The following R3HCC1 variants were observed in gnomAD, a reference collection of about 807,000 sequenced individuals.
The protein encoded by R3HCC1 is R3H and coiled-coil domain-containing protein 1.
A neutral mutation model predicts 40.0 loss-of-function variants in R3HCC1; 32 were observed. That is an observed-to-expected ratio of 0.80 (90% confidence interval 0.60 to 1.07). The LOEUF is 1.07. R3HCC1 is among the 50% of genes least tolerant of loss of function. The pLI is 0.00. For missense variants in R3HCC1, 586 were observed against 563.3 expected, an observed-to-expected ratio of 1.04 and a Z score of -0.41; for synonymous variants, 237 against 232.8, an observed-to-expected ratio of 1.02 and a Z score of -0.17.
At chr8:23,295,721 T>A in intron 7 of R3HCC1, 1 of 576,058 alleles carries the variant, frequency 1.7e-6, no homozygotes, top group Non-Finnish European at 3.1e-6. Context: ...GCCCCCTCAC[T>A]GTAGAGACAG....
In R3HCC1 at chr8:23,294,671, A is replaced by C. The variant is rs887412739; in HGVS notation, c.1097-98A>C. Reference sequence around the variant, plus strand: ...CGGAGCAGCCCTGCCCTGAGCTTTGAATAGGTGCACAACACGGCTGCAGGG... The same window carrying C: ...CGGAGCAGCCCTGCCCTGAGCTTTGCATAGGTGCACAACACGGCTGCAGGG... On this transcript the variant is annotated intron_variant, in intron 6 of 7. Coordinates refer to ENST00000265806, the MANE Select transcript of R3HCC1 (RefSeq NM_001136108.3). 1.4e-5 allele frequency: 13 copies of C among 911,776 alleles called. No homozygotes were observed. The African/African-American group carries it at 2.1e-4, about 15-fold the overall frequency. The allele number at this position is 911,776 out of a possible 1,614,324, so 56.5% of individuals were successfully genotyped here. A position where few individuals can be genotyped will look rare whatever the true frequency, so the allele number is the denominator to read the frequency against.
chr8:23,295,701 G>C (rs575067421), intron 7 of R3HCC1: 11 of 553,176 alleles, frequency 2.0e-5, no homozygotes, highest in Non-Finnish European at 3.2e-5. Flanking sequence ...TGTGCAGGAT[G>C]AACCCCTCAG....
At chr8:23,288,394 C>T (rs982853046) in intron 1 of R3HCC1, 112 bp from the exon 2 acceptor site, 32 of 1,420,828 alleles carry the variant, frequency 2.3e-5, no homozygotes, top group Non-Finnish European at 2.9e-5. Flanking sequence ...TTCCCCGCCA[C>T]CGAGCCTTGG....
chr8:23,290,849 T>C (rs1267082513), intron 4 of R3HCC1: 3 of 253,188 alleles, frequency 1.2e-5, no homozygotes, highest in Non-Finnish European at 1.5e-5. Context: ...TTTTATCTTA[T>C]AAATCTTGTT....
At chr8:23,293,227 G>T in intron 5 of R3HCC1, 76 bp from the exon 6 acceptor site, 1 of 1,231,394 alleles carries the variant, frequency 8.1e-7, no homozygotes, top group Non-Finnish European at 1.2e-6. Flanking sequence ...GAGGCGAGGG[G>T]GTGTGGCTGC....
chr8:23,294,768 G>T lies in R3HCC1; in HGVS notation c.1097-1G>T, dbSNP rs1474387595. ...GCTCCACGCCTGCTTTCTTTCCACA[G>T]CTGCGGAAGCCCTGACCCGGGAGTT... On this transcript the variant is annotated splice_acceptor_variant, in intron 6 of 7. Transcript: ENST00000265806. LOFTEE classifies it high-confidence loss of function. 6.4e-7 allele frequency: 1 copy of T among 1,550,858 alleles called. No homozygotes were observed. The highest frequency in any genetic ancestry group is 8.7e-7 in the Non-Finnish European group (1 of 1,146,784).
At chr8:23,288,216 G>A in intron 1 of R3HCC1, 59 bp downstream of exon 1, 1 of 1,204,244 alleles carries the variant, frequency 8.3e-7, no homozygotes, top group Non-Finnish European at 1.1e-6. Flanking sequence ...CGGGTGGGAA[G>A]GAGCAGCTGG....
intron 4 of R3HCC1, 165 bp from the exon 5 acceptor site, chr8:23,291,196 T>A (rs1317395666): frequency 2.2e-6 from 2 of 922,854 alleles, no homozygotes; most frequent in Non-Finnish European, 3.1e-6. Context: ...GTAAAACCCA[T>A]GCGTCTTGAC....
At position 23,290,118 on chromosome 8, in the gene R3HCC1, A is replaced by T. The variant is rs1478645592; in HGVS notation, c.501A>T (p.Pro167=). ...GAGAGGCCCCAGCTGGCAGGGACCC[A>T]GAAGAGCCTGGAGATGTTGGTGCTG... Residue 167 remains proline, a synonymous_variant, in exon 4 of 8, where the codon CCA becomes CCT. Transcript: ENST00000265806. The T allele has an allele frequency of 3.9e-6, 6 of 1,551,260 alleles. No homozygotes were observed. The South Asian group carries it at 7.1e-5, about 18-fold the overall frequency.
At chr8:23,291,321 G>A (rs373330835) in intron 4 of R3HCC1, 40 bp from the exon 5 acceptor site, 16 of 1,534,554 alleles carry the variant, frequency 1.0e-5, no homozygotes, top group South Asian at 3.6e-5. Flanking sequence ...GGAGCTCTGC[G>A]TGTCCAAGCT....
Position 23,291,463 on chromosome 8 carries a change from G to A in R3HCC1, c.955G>A (p.Val319Met), listed in dbSNP as rs758791727. The A allele has an allele frequency of 1.3e-5, 20 of 1,551,530 alleles. No individual in the cohort carries two copies. Among genetic ancestry groups the A allele is most frequent in the Admixed American group, 7.8e-5 (4 of 50,986 alleles). Reference sequence around the variant, plus strand: ...GCCTGGAGAGAAGGACCTTGCCCACGTGGTAGAGATCTATGACTTTGAACC... The same window carrying A: ...GCCTGGAGAGAAGGACCTTGCCCACATGGTAGAGATCTATGACTTTGAACC... Residue 319 changes from valine (V) to methionine (M), a missense_variant, in exon 5 of 8, where the codon GTG (valine) becomes ATG (methionine). By Grantham distance (21) the Val-to-Met change is conservative. Coordinates refer to ENST00000265806, the MANE Select transcript of R3HCC1 (RefSeq NM_001136108.3).
At chr8:23,291,277 C>T in intron 4 of R3HCC1, 84 bp from the exon 5 acceptor site, 1 of 1,475,410 alleles carries the variant, frequency 6.8e-7, no homozygotes. Context: ...CCCCTTCTCC[C>T]TGCAGAGCTC....
rs1184864692 is a variant in R3HCC1, at chr8:23,291,846, TCTC to T, written c.1025+317_1025+319del. Among the ~76,000 whole-genome samples the T allele has an allele frequency of 3.3e-5, 5 of 152,196 alleles. No homozygotes were observed. In the South Asian group the frequency reaches 6.2e-4, roughly 19 times the overall value. Reference sequence around the variant, plus strand: ...CTCAAGGGACATGGCAGCCTCCTCTTCTCCTCTTGCCTGCCTCCCAGCGGCTGC... The same window carrying T: ...CTCAAGGGACATGGCAGCCTCCTCTTCTCTTGCCTGCCTCCCAGCGGCTGC... On this transcript the variant is annotated intron_variant, in intron 5 of 7. Transcript: ENST00000265806.
intron 7 of R3HCC1, 80 bp from the exon 8 acceptor site, chr8:23,295,887 C>T: frequency 6.8e-7 from 1 of 1,470,682 alleles, no homozygotes; most frequent in Non-Finnish European, 9.1e-7. Context: ...GCTCTGATGG[C>T]TTGTACGGCT....
intron 6 of R3HCC1, 139 bp downstream of exon 6, chr8:23,293,512 C>A: frequency 3.0e-6 from 2 of 658,630 alleles, no homozygotes; most frequent in Non-Finnish European, 5.1e-6. Flanking sequence ...TGTTCCCAGC[C>A]TAAAACCCAG....
intron 7 of R3HCC1, chr8:23,295,330 T>G: frequency 2.7e-6 from 1 of 374,120 alleles, no homozygotes; most frequent in East Asian, 7.3e-5. Context: ...TTTCTTCTTC[T>G]GTAAAATAAG....
At position 23,293,318 on chromosome 8, in the gene R3HCC1, G is replaced by A. The variant is rs1299330786; in HGVS notation, c.1041G>A (p.Arg347=). Residue 347 remains arginine, a synonymous_variant, in exon 6 of 8, where the codon AGG becomes AGA. Coordinates refer to ENST00000265806, the MANE Select transcript of R3HCC1 (RefSeq NM_001136108.3). ...CGCCGCACAGAGAGAAGGGGTTCAG[G>A]ATTCAGTGGGTGGATGATACTCACG... The A allele has an allele frequency of 1.3e-6, 2 of 1,551,322 alleles. No individual in the cohort carries two copies. The highest frequency in any genetic ancestry group is 2.7e-5 in the African/African-American group (2 of 73,014).
At chr8:23,293,233 G>T in intron 5 of R3HCC1, 70 bp from the exon 6 acceptor site, 1 of 1,310,592 alleles carries the variant, frequency 7.6e-7, no homozygotes, top group Non-Finnish European at 1.1e-6. Flanking sequence ...AGGGGGTGTG[G>T]CTGCGGGATT....
At position 23,289,725 on chromosome 8, in the gene R3HCC1, G is replaced by C. The variant is rs1802817574; in HGVS notation, c.249-141G>C. 4.0e-6 allele frequency: 5 copies of C among 1,238,984 alleles called. No individual in the cohort carries two copies. In the Middle Eastern group the frequency reaches 5.9e-4, roughly 146 times the overall value. 76.7% of individuals were successfully genotyped at this position (1,238,984 alleles called of 1,614,324 possible). ...AGCCTCCACTGTGATGCCTTCCTAAGGGATTTTCGAGGGTCATTTTGGCTG... is the reference window on the plus strand; with the variant it reads ...AGCCTCCACTGTGATGCCTTCCTAACGGATTTTCGAGGGTCATTTTGGCTG... On this transcript the variant is annotated intron_variant, in intron 3 of 7. Transcript: ENST00000265806.
Sources: gnomAD v4.1 joint callset for allele counts (sites outside exome capture counted in the v4.1 genomes callset) on GRCh38, gnomAD v4.1.1 for gene constraint, MANE v1.5 for transcripts, NCBI Gene and HGNC (gene_info 2026-07-23, HGNC 2026-07-21) for gene names.